HECW1: variants seen among roughly 807,000 people sequenced by gnomAD.
HECW1 encodes HECT, C2 and WW domain containing E3 ubiquitin protein ligase 1, also known as E3 ubiquitin-protein ligase HECW1.
HECW1 carries 61 observed loss-of-function variants against 182.3 expected under a neutral mutation model. The ratio of observed to expected loss-of-function variants is 0.33; its 90% CI spans 0.27 to 0.41. The LOEUF is 0.41. HECW1 is among the 10% of genes least tolerant of loss of function. The pLI, the probability that HECW1 is intolerant of heterozygous loss-of-function variation, is 1.00. For synonymous variants in HECW1, 859 were observed against 832.6 expected, an observed-to-expected ratio of 1.03 and a Z score of -0.55; for missense variants, 1,739 against 2,108.9, an observed-to-expected ratio of 0.82 and a Z score of 3.44.
intron 6 of HECW1, among the ~76,000 whole-genome samples, chr7:43,382,056 C>T (rs976640064): frequency 1.1e-4 from 16 of 152,212 alleles, no homozygotes; most frequent in African/African-American, 3.9e-4. Flanking sequence ...GAGGCCAAGG[C>T]AGATGGATCA....
Position 43,493,486 on chromosome 7 carries a change from A to G in HECW1, c.3437+306A>G, listed in dbSNP as rs147699927. 9.8e-5 allele frequency among the ~76,000 whole-genome samples: 15 copies of G among 152,360 alleles called. No homozygotes were observed. The East Asian group carries it at 2.9e-3, about 29-fold the overall frequency. ...TTCCATTAAAAAATTATTTATGTAC[A>G]GCACTGTATAAATTACTTTTAGTTT... is the stretch of plus-strand genomic sequence containing the variant. On this transcript the variant is annotated intron_variant, in intron 19 of 29. Transcript: ENST00000395891.
At position 43,292,667 on chromosome 7, in the gene HECW1, T is replaced by C. The variant is rs753028527; in HGVS notation, c.28-19096T>C. ...GGAACAGAGCTAGGAAGGTGACCTTTGGTGACATACCTCTTCCATTCAGCA... is the reference window on the plus strand; with the variant it reads ...GGAACAGAGCTAGGAAGGTGACCTTCGGTGACATACCTCTTCCATTCAGCA... On this transcript the variant is annotated intron_variant, in intron 3 of 29. Transcript: ENST00000395891. Among the ~76,000 whole-genome samples, 12 of 152,306 alleles carry C rather than the reference T, an allele frequency of 7.9e-5. No homozygotes were observed. In the Middle Eastern group the frequency reaches 0.01, roughly 130 times the overall value.
In HECW1 at chr7:43,370,837, C is replaced by G. The variant is rs183159760; in HGVS notation, c.555+9857C>G. On this transcript the variant is annotated intron_variant, in intron 6 of 29. Transcript: ENST00000395891. ...AAGATCAGTGGTTGTGAAGATTTAG[C>G]GGGGAAGGATGAATAGGAGGATCAC... Among the ~76,000 whole-genome samples, 3 of 150,696 alleles carry G rather than the reference C, an allele frequency of 2.0e-5. No homozygotes were observed. The East Asian group carries it at 5.8e-4, about 29-fold the overall frequency.
intron 6 of HECW1, among the ~76,000 whole-genome samples, chr7:43,384,722 A>C (rs565323277): frequency 6.6e-6 from 1 of 152,292 alleles, no homozygotes; most frequent in South Asian, 2.1e-4. Context: ...AGCCATGTCC[A>C]TTCTTCTTTG....
intron 5 of HECW1, among the ~76,000 whole-genome samples, chr7:43,348,663 T>C (rs1813999295): frequency 6.6e-6 from 1 of 152,222 alleles, no homozygotes; most frequent in East Asian, 1.9e-4. Flanking sequence ...TGAACTTTCC[T>C]CTTAGCACCA....
chr7:43,357,981 C>T (rs1268082714), intron 5 of HECW1, among the ~76,000 whole-genome samples: 24 of 152,142 alleles, frequency 1.6e-4, no homozygotes, highest in Admixed American at 1.6e-3. Flanking sequence ...ATGCACTGAT[C>T]TTTTCATCTA....
intron 2 of HECW1, among the ~76,000 whole-genome samples, chr7:43,197,031 A>C (rs1198974116): frequency 6.6e-6 from 1 of 152,170 alleles, no homozygotes; most frequent in Non-Finnish European, 1.5e-5. Context: ...AAATGCATTC[A>C]TATTATCCAA....
At chr7:43,506,851 G>C (rs1349706537) in intron 21 of HECW1, among the ~76,000 whole-genome samples, 1 of 152,210 alleles carries the variant, frequency 6.6e-6, no homozygotes, top group Admixed American at 6.6e-5. Context: ...TGAATCACCT[G>C]AAGTCAGGAG....
chr7:43,475,152 C>G (rs1563027427), intron 16 of HECW1, among the ~76,000 whole-genome samples: 1 of 151,854 alleles, frequency 6.6e-6, no homozygotes, highest in Non-Finnish European at 1.5e-5. Context: ...TTTGCCACAA[C>G]AACAAAAAAG....
At chr7:43,236,061 A>T (rs1161089306) in intron 2 of HECW1, among the ~76,000 whole-genome samples, 1 of 152,092 alleles carries the variant, frequency 6.6e-6, no homozygotes, top group African/African-American at 2.4e-5. Flanking sequence ...TGAAGGAGGT[A>T]CCTGTGCTAC....
In HECW1 at chr7:43,114,410, G is replaced by A. The variant is rs1784881311; in HGVS notation, c.-32+19G>A. The A allele has an allele frequency of 3.7e-6, 5 of 1,335,944 alleles. No individual in the cohort carries two copies. Among genetic ancestry groups the A allele is most frequent in the Non-Finnish European group, 4.9e-6 (5 of 1,016,962 alleles). 82.8% of individuals were successfully genotyped at this position (1,335,944 alleles called of 1,614,324 possible). On this transcript the variant is annotated intron_variant, in intron 2 of 29. Coordinates refer to ENST00000395891, the MANE Select transcript of HECW1 (RefSeq NM_015052.5). ...TATTACGGTAATTCATTCTAGATTGGGGATTCATTTAAAAATGTGTGTTTT... is the reference window on the plus strand; with the variant it reads ...TATTACGGTAATTCATTCTAGATTGAGGATTCATTTAAAAATGTGTGTTTT...
rs1323940419 is a variant in HECW1, at chr7:43,444,174, G to T, written c.1046-44G>T. ...CCACAGGGTATCCTAACACCACAAT[G>T]CTCTCTTCTGGGAGAAATGACATAT... On this transcript the variant is annotated intron_variant, in intron 10 of 29. Coordinates refer to ENST00000395891, the MANE Select transcript of HECW1 (RefSeq NM_015052.5). The surrounding 1 kb of genome is among the most constrained non-coding windows in gnomAD (Gnocchi z 4.3). 6.4e-7 allele frequency: 1 copy of T among 1,550,522 alleles called. No homozygotes were observed.
At chr7:43,269,151 G>T (rs1333301977) in intron 3 of HECW1, among the ~76,000 whole-genome samples, 1 of 152,090 alleles carries the variant, frequency 6.6e-6, no homozygotes, top group Non-Finnish European at 1.5e-5. Context: ...ACCATCTACT[G>T]CTTTCCTTTG....
At position 43,230,729 on chromosome 7, in the gene HECW1, C is replaced by T. The variant is rs567163653; in HGVS notation, c.-31-13146C>T. On this transcript the variant is annotated intron_variant, in intron 2 of 29. Transcript: ENST00000395891. Reference sequence around the variant, plus strand: ...ACATATGTATGTATAAATATGTATACGTATATAAATTATATGTCTCTCACA... The same window carrying T: ...ACATATGTATGTATAAATATGTATATGTATATAAATTATATGTCTCTCACA... Among the ~76,000 whole-genome samples the T allele has an allele frequency of 3.1e-4, 47 of 151,842 alleles. No homozygotes were observed. In the South Asian group the frequency reaches 9.6e-3, roughly 31 times the overall value.
At chr7:43,514,286 T>TTTTTC (rs964940134) in intron 24 of HECW1, among the ~76,000 whole-genome samples, 1 of 150,314 alleles carries the variant, frequency 6.7e-6, no homozygotes. Context: ...CCAAATTTCT[T>TTTTTC]TTTTCTTTTC....
chr7:43,196,810 A>ACT (rs113969727), intron 2 of HECW1, among the ~76,000 whole-genome samples: 5 of 152,306 alleles, frequency 3.3e-5, no homozygotes, highest in African/African-American at 1.2e-4. Flanking sequence ...TGGTTTTAAA[A>ACT]CATATGAAGA....
At chr7:43,196,893 T>A (rs910056611) in intron 2 of HECW1, among the ~76,000 whole-genome samples, 5 of 152,200 alleles carry the variant, frequency 3.3e-5, no homozygotes, top group African/African-American at 1.2e-4. Context: ...AAATTGAGTT[T>A]TATTTTCCCC....
rs768461247 is a variant in HECW1 at position 43,552,317 on chromosome 7, T to C, written c.4491T>C (p.Asn1497=). ...TAEIDLNDWR[N]NTEYRGGYHD... ...AAATCGACCTAAATGACTGGCGGAA[T>C]AACACTGAGTACCGGGGAGGTGAGT... Residue 1497 remains asparagine, a synonymous_variant, in exon 28 of 30, where the codon AAT becomes AAC. Transcript: ENST00000395891. The C allele has an allele frequency of 5.0e-6, 8 of 1,610,190 alleles. No homozygotes were observed. In the East Asian group the frequency reaches 1.3e-4, roughly 27 times the overall value.
At chr7:43,555,212 T>C (rs928875780) in intron 29 of HECW1, among the ~76,000 whole-genome samples, 1 of 152,208 alleles carries the variant, frequency 6.6e-6, no homozygotes, top group African/African-American at 2.4e-5. Context: ...TATATATTTG[T>C]GGTGTGTCGG....
Sources: allele counts gnomAD v4.1 joint callset (sites outside exome capture counted in the v4.1 genomes callset), GRCh38; gene constraint gnomAD v4.1.1; non-coding constraint Gnocchi (gnomAD v3.1); transcripts MANE v1.5; gene names NCBI Gene and HGNC (gene_info 2026-07-23, HGNC 2026-07-21).